MAGI2: variants seen among roughly 807,000 people sequenced by gnomAD.
MAGI2 encodes the protein membrane associated guanylate kinase, WW and PDZ domain containing 2, also known as membrane-associated guanylate kinase, WW and PDZ domain-containing protein 2.
MAGI2 carries 35 observed loss-of-function variants against 133.3 expected under a neutral mutation model. The ratio of observed to expected loss-of-function variants is 0.26; its 90% CI spans 0.20 to 0.35. The LOEUF (loss-of-function observed/expected upper bound fraction) is 0.35, where lower values mean the gene tolerates loss of function less well. Ranked by LOEUF, MAGI2 falls within the 10% of genes least tolerant of loss-of-function variation. The probability of loss-of-function intolerance (pLI) is 1.00; values close to 1 mark genes in which losing one functional copy is unlikely to be tolerated. For synonymous variants in MAGI2, 729 were observed against 710.6 expected, an observed-to-expected ratio of 1.03 and a Z score of -0.41; for missense variants, 1,636 against 1,863.4, an observed-to-expected ratio of 0.88 and a Z score of 2.25.
intron 2 of MAGI2, among the ~76,000 whole-genome samples, chr7:78,907,539 A>AT (rs977486920): frequency 2.0e-5 from 3 of 152,116 alleles, no homozygotes; most frequent in African/African-American, 7.2e-5. Context: ...ATTCAGTCTG[A>AT]TTTTTTCTAG....
intron 1 of MAGI2, among the ~76,000 whole-genome samples, chr7:79,229,816 T>G (rs893781277): frequency 6.6e-6 from 1 of 152,200 alleles, no homozygotes; most frequent in Non-Finnish European, 1.5e-5. Context: ...TATTATACTT[T>G]AGGTTTTAGG....
In MAGI2 at chr7:79,044,425, A is replaced by C. The variant is rs576742490; in HGVS notation, c.302-37219T>G. On this transcript the variant is annotated intron_variant, in intron 1 of 21. Coordinates refer to ENST00000354212, the MANE Select transcript of MAGI2 (RefSeq NM_012301.4). The stretch of plus-strand genomic sequence containing the variant: ...CCTCAGTGAATGAGGCATTGCAGGA[A>C]CATATATCAAAATAATGAGACTCAT... Among the ~76,000 whole-genome samples, 16 of 152,332 alleles carry C rather than the reference A, an allele frequency of 1.1e-4. No individual in the cohort carries two copies. In the East Asian group the frequency reaches 1.2e-3, roughly 11 times the overall value.
intron 2 of MAGI2, among the ~76,000 whole-genome samples, chr7:78,637,013 G>T (rs1167820190): frequency 6.6e-6 from 1 of 152,108 alleles, no homozygotes; most frequent in Non-Finnish European, 1.5e-5. Context: ...ACCATAATTG[G>T]AGAACCACTG....
At chr7:79,077,348 G>A (rs1207941707) in intron 1 of MAGI2, among the ~76,000 whole-genome samples, 1 of 151,614 alleles carries the variant, frequency 6.6e-6, no homozygotes, top group Non-Finnish European at 1.5e-5. Context: ...ACGAGGTCAG[G>A]AAATCGATAC....
chr7:79,331,356 C>A (rs1401217698), intron 1 of MAGI2, among the ~76,000 whole-genome samples: 1 of 151,984 alleles, frequency 6.6e-6, no homozygotes, highest in African/African-American at 2.4e-5. Context: ...AAACTGTCAA[C>A]CTCAGATACT....
intron 1 of MAGI2, among the ~76,000 whole-genome samples, chr7:79,401,058 T>C (rs1162599762): frequency 6.6e-6 from 1 of 152,216 alleles, no homozygotes; most frequent in Admixed American, 6.5e-5. Context: ...ATTTTTATTA[T>C]ATTTAAGTAG....
chr7:78,364,544 C>T lies in MAGI2; in HGVS notation c.1103+4612G>A, dbSNP rs527453550. Among the ~76,000 whole-genome samples the T allele has an allele frequency of 5.9e-5, 9 of 152,274 alleles. No homozygotes were observed. In the East Asian group the frequency reaches 1.5e-3, roughly 26 times the overall value. On this transcript the variant is annotated intron_variant, in intron 7 of 21. Coordinates refer to ENST00000354212, the MANE Select transcript of MAGI2 (RefSeq NM_012301.4). ...CAGATGTGTGACATCACATGAAAAACTTGTAAAACCTTTACATGAAAATCA... is the reference window on the plus strand; with the variant it reads ...CAGATGTGTGACATCACATGAAAAATTTGTAAAACCTTTACATGAAAATCA...
intron 10 of MAGI2, among the ~76,000 whole-genome samples, chr7:78,215,045 A>T (rs1445496222): frequency 6.6e-6 from 1 of 152,222 alleles, no homozygotes; most frequent in Non-Finnish European, 1.5e-5. Flanking sequence ...TTTACATCAC[A>T]TGAAGACAAA....
chr7:78,412,366 AATGAT>A (rs1043819123), intron 6 of MAGI2, among the ~76,000 whole-genome samples: 4 of 152,004 alleles, frequency 2.6e-5, no homozygotes, highest in African/African-American at 9.7e-5. Flanking sequence ...AGTTGGCATA[AATGAT>A]CACGGTGCTT....
Position 78,045,305 on chromosome 7 carries a change from AT to A in MAGI2, c.3707-25330del, listed in dbSNP as rs371349917. Among the ~76,000 whole-genome samples the A allele has an allele frequency of 4.1e-4, 63 of 152,024 alleles. 1 individual carries two copies. The highest frequency in any genetic ancestry group is 1.3e-3 in the African/African-American group (55 of 41,466). ...TTTAATGATCTTTGGTTGGGGTCTT[AT>A]TTTTTTTAGTTTTGTTATTCATTCA... On this transcript the variant is annotated intron_variant, in intron 21 of 21. Coordinates refer to ENST00000354212, the MANE Select transcript of MAGI2 (RefSeq NM_012301.4).
chr7:79,262,366 A>T (rs560982426), intron 1 of MAGI2, among the ~76,000 whole-genome samples: 197 of 152,298 alleles, frequency 1.3e-3, no homozygotes, highest in African/African-American at 4.7e-3. Flanking sequence ...GACAAACCAT[A>T]ATCCTAATTC....
At chr7:78,532,417 T>C (rs1380326975) in intron 3 of MAGI2, among the ~76,000 whole-genome samples, 1 of 152,196 alleles carries the variant, frequency 6.6e-6, no homozygotes, top group African/African-American at 2.4e-5. Context: ...GGGAAAGTGA[T>C]TGTGGTTGCA....
chr7:79,191,431 T>TTTTTTTTTTTTTTTTTTTTTTTTTTG (rs1827661537), intron 1 of MAGI2, among the ~76,000 whole-genome samples: 1 of 128,310 alleles, frequency 7.8e-6, no homozygotes, highest in Non-Finnish European at 1.6e-5. Flanking sequence ...TTTTTTTTTT[T>TTTTTTTTTTTTTTTTTTTTTTTTTTG]TTTTAGAGAT....
chr7:78,194,992 C>G lies in MAGI2; in HGVS notation c.2151G>C (p.Leu717=). The change falls in exon 12 of 22, where the codon CTG becomes CTC. Residue 717 remains leucine, a synonymous_variant. Transcript: ENST00000354212. The part of the protein sequence containing the change: ...SLSAPAIPQN[L]PFPPALHRSS... ...TCCTGTGAAGGGCAGGTGGGAAGGG[C>G]AGGTTCTGCGGTATGGCCGGAGCAG... The G allele has an allele frequency of 6.2e-7, 1 of 1,614,118 alleles. No individual in the cohort carries two copies. Among genetic ancestry groups the G allele is most frequent in the Non-Finnish European group, 8.5e-7 (1 of 1,179,982 alleles).
rs1249286820 is a variant in MAGI2, at chr7:78,018,471, C to T, written c.*844G>A. Reference sequence around the variant, plus strand: ...TGCAGCGTTGCCTATCTTGATTAAACAAATTGTGGTCCTTCAATTATAAAA... The same window carrying T: ...TGCAGCGTTGCCTATCTTGATTAAATAAATTGTGGTCCTTCAATTATAAAA... On this transcript the variant is annotated 3_prime_UTR_variant, in exon 22 of 22. Coordinates refer to ENST00000354212, the MANE Select transcript of MAGI2 (RefSeq NM_012301.4). 1 of 152,222 alleles carries T rather than the reference C, an allele frequency of 6.6e-6. No homozygotes were observed. The highest frequency in any genetic ancestry group is 6.5e-5 in the Admixed American group (1 of 15,288). 9.4% of individuals were successfully genotyped at this position (152,222 alleles called of 1,614,324 possible).
intron 1 of MAGI2, among the ~76,000 whole-genome samples, chr7:79,305,450 T>C (rs535703522): frequency 7.9e-5 from 12 of 152,328 alleles, no homozygotes; most frequent in East Asian, 3.9e-4. Context: ...AGGGAGAACA[T>C]TGACGTATTA....
intron 2 of MAGI2, among the ~76,000 whole-genome samples, chr7:78,628,767 A>G (rs1808643425): frequency 6.8e-6 from 1 of 147,154 alleles, no homozygotes; most frequent in Admixed American, 6.9e-5. Flanking sequence ...TAAACCACCT[A>G]CATCTAGTAT....
chr7:78,995,279 T>G (rs1273445948), intron 2 of MAGI2, among the ~76,000 whole-genome samples: 1 of 152,178 alleles, frequency 6.6e-6, no homozygotes, highest in Non-Finnish European at 1.5e-5. Context: ...GGCTGTGGGT[T>G]GGGTAAGCTT....
intron 1 of MAGI2, among the ~76,000 whole-genome samples, chr7:79,115,858 T>G (rs929277657): frequency 3.4e-5 from 1 of 29,728 alleles, no homozygotes; most frequent in Admixed American, 5.1e-4. Flanking sequence ...TTTAAAGTTT[T>G]TTTTTTTTTT....
Sources: allele counts gnomAD v4.1 joint callset (sites outside exome capture counted in the v4.1 genomes callset), GRCh38; gene constraint gnomAD v4.1.1; transcripts MANE v1.5; gene names NCBI Gene and HGNC (gene_info 2026-07-23, HGNC 2026-07-21).